The following CCDC93 variants were observed in gnomAD, a reference collection of about 807,000 sequenced individuals.
The protein encoded by CCDC93 is CCC complex scaffolding subunit CCDC93.
Under a neutral mutation model 108.2 loss-of-function variants are expected in CCDC93, and 61 were observed. That is an observed-to-expected ratio of 0.56 (90% confidence interval 0.46 to 0.70). CCDC93 has a LOEUF of 0.70. Ranked by LOEUF, CCDC93 falls within the 30% of genes least tolerant of loss-of-function variation. The probability of loss-of-function intolerance (pLI) is 0.00; values close to 1 mark genes in which losing one functional copy is unlikely to be tolerated. For missense variants in CCDC93, 685 were observed against 764.2 expected, an observed-to-expected ratio of 0.90 and a Z score of 1.22; for synonymous variants, 276 against 260.4, an observed-to-expected ratio of 1.06 and a Z score of -0.58.
rs779925864 is a variant in CCDC93 at position 117,936,749 on chromosome 2, T to TAA, written c.1606-12_1606-11dup. ...AGTTCAGCAGACTAATCTGGGGAAGTAAAAAAACAAACGAAATTATAAGAC... is the reference window on the plus strand; with the variant it reads ...AGTTCAGCAGACTAATCTGGGGAAGTAAAAAAAAACAAACGAAATTATAAGAC... On this transcript the variant is annotated splice_polypyrimidine_tract_variant and intron_variant, in intron 20 of 23. Coordinates refer to ENST00000376300, the MANE Select transcript of CCDC93 (RefSeq NM_019044.5). The TAA allele has an allele frequency of 1.9e-6, 3 of 1,611,784 alleles. No homozygotes were observed. Among genetic ancestry groups the TAA allele is most frequent in the Non-Finnish European group, 8.5e-7 (1 of 1,178,024 alleles).
intron 7 of CCDC93, among the ~76,000 whole-genome samples, chr2:117,983,492 T>C (rs925753797): frequency 8.5e-5 from 13 of 152,070 alleles, no homozygotes; most frequent in African/African-American, 2.7e-4. Flanking sequence ...AGGAGAACTG[T>C]AAGGGGAAAA....
chr2:118,006,700 G>A (rs763717874), intron 3 of CCDC93, 22 bp downstream of exon 3: 13 of 1,456,374 alleles, frequency 8.9e-6, no homozygotes, highest in Admixed American at 8.4e-5. Context: ...CCCACCTTTA[G>A]GTTTTCCATA....
rs1425799818 is a variant in CCDC93, at chr2:117,919,045, G to GC, written c.*1297dup. ...TGCAAACCTGCCACCTGGTATGTTT[G>GC]CAAGATTTATGCAAAATGGAGCACA... On this transcript the variant is annotated 3_prime_UTR_variant, in exon 24 of 24. Coordinates refer to ENST00000376300, the MANE Select transcript of CCDC93 (RefSeq NM_019044.5). 2.6e-5 allele frequency: 4 copies of GC among 152,198 alleles called. No homozygotes were observed. Among genetic ancestry groups the GC allele is most frequent in the African/African-American group, 9.7e-5 (4 of 41,438 alleles). The allele number at this position is 152,198 out of a possible 1,614,324, so 9.4% of individuals were successfully genotyped here.
chr2:117,943,922 A>C, intron 18 of CCDC93, 102 bp downstream of exon 18: 7 of 720,276 alleles, frequency 9.7e-6, no homozygotes, highest in Non-Finnish European at 1.3e-5. Context: ...CTCATTACTT[A>C]TTTTCTCTAG....
At chr2:117,940,731 G>A (rs1248651965) in intron 19 of CCDC93, among the ~76,000 whole-genome samples, 1 of 152,222 alleles carries the variant, frequency 6.6e-6, no homozygotes, top group African/African-American at 2.4e-5. Flanking sequence ...AGCCTCATGA[G>A]ACATGATCTC....
intron 7 of CCDC93, among the ~76,000 whole-genome samples, chr2:117,979,223 C>T (rs143672698): frequency 5.1e-4 from 78 of 152,256 alleles, no homozygotes; most frequent in African/African-American, 1.7e-3. Flanking sequence ...CTTATAAAGC[C>T]TCTCTTCCAT....
chr2:118,002,595 G>C (rs993917889), intron 3 of CCDC93, among the ~76,000 whole-genome samples: 1 of 152,160 alleles, frequency 6.6e-6, no homozygotes, highest in South Asian at 2.1e-4. Flanking sequence ...AATATGGAAG[G>C]GGGGAGATTA....
At chr2:117,926,780 T>G (rs1163876386) in intron 23 of CCDC93, among the ~76,000 whole-genome samples, 1 of 152,122 alleles carries the variant, frequency 6.6e-6, no homozygotes. Flanking sequence ...GAGGCCAGCA[T>G]CATCCTGATA....
chr2:117,999,156 TCACACAG>T (rs1429104258), intron 4 of CCDC93: 1 of 152,146 alleles, frequency 6.6e-6, no homozygotes, highest in East Asian at 1.9e-4. Flanking sequence ...TTACCCAAGG[TCACACAG>T]CTAGAAAGCG....
intron 2 of CCDC93, 30 bp from the exon 3 acceptor site, chr2:118,006,846 CTCTTT>C (rs748120691): frequency 7.7e-6 from 11 of 1,429,438 alleles, no homozygotes; most frequent in African/African-American, 1.4e-5. Flanking sequence ...TATTTGTTTT[CTCTTT>C]TTAGTTTGGG....
At chr2:117,970,263 T>C (rs1220360090) in intron 11 of CCDC93, among the ~76,000 whole-genome samples, 1 of 152,110 alleles carries the variant, frequency 6.6e-6, no homozygotes, top group African/African-American at 2.4e-5. Flanking sequence ...TAGAAAGAAA[T>C]TATCTGACAA....
At chr2:117,923,437 G>A (rs139689955) in intron 23 of CCDC93, among the ~76,000 whole-genome samples, 10,301 of 152,220 alleles carry the variant, frequency 0.068, 517 homozygotes, top group Admixed American at 0.11. Context: ...CTTTTCCAAC[G>A]GTCTTAGCAA....
chr2:117,985,865 G>A, intron 7 of CCDC93, 104 bp downstream of exon 7: 3 of 666,528 alleles, frequency 4.5e-6, no homozygotes, highest in Non-Finnish European at 7.8e-6. Context: ...ATGGCTGAAG[G>A]CAGAAACTCA....
chr2:117,958,518 G>A (rs2104756491), intron 11 of CCDC93, 37 bp from the exon 12 acceptor site: 1 of 1,211,736 alleles, frequency 8.3e-7, no homozygotes, highest in South Asian at 1.2e-5. Flanking sequence ...AAAGGATTTA[G>A]TTAGTTGACC....
At chr2:117,958,268 G>T (rs186158588) in intron 12 of CCDC93, 97 bp downstream of exon 12, 12 of 748,878 alleles carry the variant, frequency 1.6e-5, no homozygotes, top group Non-Finnish European at 2.9e-5. Flanking sequence ...AACTGGACTG[G>T]CCCAAGCACC....
intron 8 of CCDC93, among the ~76,000 whole-genome samples, chr2:117,976,132 C>G (rs1679935939): frequency 6.6e-6 from 1 of 152,162 alleles, no homozygotes; most frequent in Non-Finnish European, 1.5e-5. Flanking sequence ...TATAACGAGT[C>G]TATCACTGCC....
chr2:117,928,596 A>G lies in CCDC93; in HGVS notation c.1842+2441T>C, dbSNP rs1320774704. 5.9e-5 allele frequency among the ~76,000 whole-genome samples: 9 copies of G among 152,342 alleles called. No homozygotes were observed. The South Asian group carries it at 1.7e-3, about 28-fold the overall frequency. On this transcript the variant is annotated intron_variant, in intron 23 of 23. Coordinates refer to ENST00000376300, the MANE Select transcript of CCDC93 (RefSeq NM_019044.5). ...CACCAGTTAGAATGGCAATCATTAAAAAGTCAGGAAATAACAGGTGCTGGA... is the reference window on the plus strand; with the variant it reads ...CACCAGTTAGAATGGCAATCATTAAGAAGTCAGGAAATAACAGGTGCTGGA...
chr2:117,931,769 T>C (rs59723330), intron 22 of CCDC93: 11,461 of 152,344 alleles, frequency 0.075, 525 homozygotes, highest in South Asian at 0.15. Context: ...CCCATCTTCC[T>C]GCTGGTAGAC....
chr2:117,981,018 T>C (rs1331481301), intron 7 of CCDC93, among the ~76,000 whole-genome samples: 1 of 152,210 alleles, frequency 6.6e-6, no homozygotes, highest in African/African-American at 2.4e-5. Context: ...GGTTGAAGCA[T>C]GAATCACTAC....
Sources: allele counts gnomAD v4.1 joint callset (sites outside exome capture counted in the v4.1 genomes callset), GRCh38; gene constraint gnomAD v4.1.1; transcripts MANE v1.5; gene names NCBI Gene and HGNC (gene_info 2026-07-23, HGNC 2026-07-21).